Variants in MEGF11 observed in about 807,000 individuals in gnomAD.
MEGF11 encodes multiple EGF like domains 11, also known as multiple epidermal growth factor-like domains protein 11.
In MEGF11, 126 loss-of-function variants were observed where a neutral mutation model predicts 146.6. The observed-to-expected ratio is 0.86, with a 90% CI of 0.74 to 1.00. The LOEUF (loss-of-function observed/expected upper bound fraction) is 1.00, where lower values mean the gene tolerates loss of function less well. MEGF11 is among the 50% of genes least tolerant of loss of function. The probability of loss-of-function intolerance (pLI) is 0.00; values close to 1 mark genes in which losing one functional copy is unlikely to be tolerated. For missense variants in MEGF11, 1,509 were observed against 1,521.2 expected (o/e 0.99, Z 0.13); for synonymous variants, 532 against 583.4 (o/e 0.91, Z 1.27).
chr15:65,983,778 A>T (rs1444206507), intron 5 of MEGF11, among the ~76,000 whole-genome samples: 2 of 151,890 alleles, frequency 1.3e-5, no homozygotes, highest in Non-Finnish European at 2.9e-5. Flanking sequence ...ACACTCAGAG[A>T]GGAAAGGGGG....
intron 5 of MEGF11, among the ~76,000 whole-genome samples, chr15:66,001,892 A>C (rs1305349986): frequency 6.6e-6 from 1 of 152,132 alleles, no homozygotes; most frequent in Admixed American, 6.5e-5. Flanking sequence ...GAATAAACTC[A>C]GGTGCACAAT....
intron 9 of MEGF11, among the ~76,000 whole-genome samples, chr15:65,963,659 TGAATGAATGACC>T (rs1472326906): frequency 6.6e-6 from 1 of 152,180 alleles, no homozygotes; most frequent in Non-Finnish European, 1.5e-5. Context: ...CAGTGTTTGT[TGAATGAATGACC>T]GAGTGAATGA....
In MEGF11 at chr15:66,134,467, C is replaced by T. The variant is rs368513234; in HGVS notation, c.-8-6056G>A. ...ACCCGGACACCTGCCTGGCCCCTCCCCACCCGCAATCTGCCCACTCCTGGC... is the reference window on the plus strand; with the variant it reads ...ACCCGGACACCTGCCTGGCCCCTCCTCACCCGCAATCTGCCCACTCCTGGC... On this transcript the variant is annotated intron_variant, in intron 1 of 25. Coordinates refer to ENST00000395614, the MANE Select transcript of MEGF11 (RefSeq NM_001385028.1). Among the ~76,000 whole-genome samples, 15 of 152,340 alleles carry T rather than the reference C, an allele frequency of 9.8e-5. No homozygotes were observed. The East Asian group carries it at 2.1e-3, about 22-fold the overall frequency.
At chr15:66,155,026 T>C (rs1260043398) in intron 1 of MEGF11, among the ~76,000 whole-genome samples, 1 of 152,248 alleles carries the variant, frequency 6.6e-6, no homozygotes, top group African/African-American at 2.4e-5. Context: ...AGAGTCAGGA[T>C]GTCAGAGTTG....
chr15:66,062,008 C>T (rs901631618), intron 5 of MEGF11, among the ~76,000 whole-genome samples: 4 of 152,240 alleles, frequency 2.6e-5, no homozygotes, highest in Non-Finnish European at 5.9e-5. Flanking sequence ...GATGCTCCTG[C>T]CTTGGCCTCC....
chr15:65,975,088 C>T (rs1184252117), intron 7 of MEGF11, among the ~76,000 whole-genome samples: 2 of 152,174 alleles, frequency 1.3e-5, no homozygotes, highest in African/African-American at 4.8e-5. Context: ...CTCAGGTGGT[C>T]TGCCTGCCTC....
At chr15:65,929,534 G>A (rs1355230134) in intron 12 of MEGF11, among the ~76,000 whole-genome samples, 186 bp downstream of exon 12, 1 of 152,162 alleles carries the variant, frequency 6.6e-6, no homozygotes, top group Non-Finnish European at 1.5e-5. Flanking sequence ...TATAGACGAG[G>A]GGGATGAGGG....
intron 5 of MEGF11, among the ~76,000 whole-genome samples, chr15:66,008,707 C>T (rs2082606276): frequency 6.6e-6 from 1 of 151,970 alleles, no homozygotes; most frequent in Admixed American, 6.6e-5. Flanking sequence ...GCCTGTGGTC[C>T]TGGCTACTCA....
intron 1 of MEGF11, among the ~76,000 whole-genome samples, chr15:66,246,829 T>C (rs570219949): frequency 6.6e-6 from 1 of 151,966 alleles, no homozygotes; most frequent in African/African-American, 2.4e-5. Context: ...ATAATAATAA[T>C]AATATCTAAT....
At chr15:65,961,690 G>A (rs768660482) in intron 9 of MEGF11, among the ~76,000 whole-genome samples, 4 of 152,220 alleles carry the variant, frequency 2.6e-5, no homozygotes, top group Non-Finnish European at 5.9e-5. Context: ...CAGCCTTGCC[G>A]GAAGGGCACA....
At chr15:66,151,361 G>A (rs1026437993) in intron 1 of MEGF11, among the ~76,000 whole-genome samples, 6 of 152,166 alleles carry the variant, frequency 3.9e-5, no homozygotes, top group African/African-American at 1.4e-4. Flanking sequence ...AGCCACCTCG[G>A]GGGGAATTTA....
intron 23 of MEGF11, among the ~76,000 whole-genome samples, chr15:65,907,756 T>C (rs2078672637): frequency 6.6e-6 from 1 of 152,216 alleles, no homozygotes; most frequent in South Asian, 2.1e-4. Context: ...CTTTTCCTTT[T>C]TACAGAACAG....
At chr15:65,984,732 T>A (rs1392771729) in intron 5 of MEGF11, among the ~76,000 whole-genome samples, 1 of 152,114 alleles carries the variant, frequency 6.6e-6, no homozygotes, top group Non-Finnish European at 1.5e-5. Context: ...ATGTTGTGAC[T>A]ATTATGATAA....
In MEGF11 at chr15:66,171,550, C is replaced by T. The variant is rs138038985; in HGVS notation, c.-8-43139G>A. Among the ~76,000 whole-genome samples, 15 of 152,228 alleles carry T rather than the reference C, an allele frequency of 9.9e-5. No homozygotes were observed. In the East Asian group the frequency reaches 2.9e-3, roughly 29 times the overall value. On this transcript the variant is annotated intron_variant, in intron 1 of 25. Coordinates refer to ENST00000395614, the MANE Select transcript of MEGF11 (RefSeq NM_001385028.1). ...AATGGAGAGGTGGGAGGAGGAGGGA[C>T]ACCTGCATTCTGGGTCACCCTGTGC...
At chr15:66,170,045 A>G (rs1415669300) in intron 1 of MEGF11, among the ~76,000 whole-genome samples, 1 of 152,164 alleles carries the variant, frequency 6.6e-6, no homozygotes, top group Non-Finnish European at 1.5e-5. Context: ...ATGAAACCTA[A>G]CTTGTCATTT....
At chr15:65,945,962 G>A (rs552191796) in intron 10 of MEGF11, among the ~76,000 whole-genome samples, 3 of 152,212 alleles carry the variant, frequency 2.0e-5, no homozygotes, top group Admixed American at 1.3e-4. Context: ...TGTGCAAGGT[G>A]TTAACCTCTC....
chr15:65,999,017 C>T (rs1157720664), intron 5 of MEGF11, among the ~76,000 whole-genome samples: 1 of 151,636 alleles, frequency 6.6e-6, no homozygotes, highest in African/African-American at 2.4e-5. Context: ...TTCCAAAGGA[C>T]AACGCTTGTC....
At chr15:65,978,305 G>A (rs2081518160) in intron 7 of MEGF11, among the ~76,000 whole-genome samples, 1 of 152,216 alleles carries the variant, frequency 6.6e-6, no homozygotes, top group Admixed American at 6.5e-5. Context: ...CCTCAGGCAT[G>A]AATGCAACTT....
At chr15:66,192,470 AAAAAT>A (rs56910946) in intron 1 of MEGF11, among the ~76,000 whole-genome samples, 10,751 of 130,276 alleles carry the variant, frequency 0.083, 607 homozygotes, top group East Asian at 0.18. Flanking sequence ...ACTCCATCTC[AAAAAT>A]AAAATAAAAT....
Sources: gnomAD v4.1 joint callset for allele counts (sites outside exome capture counted in the v4.1 genomes callset) on GRCh38, gnomAD v4.1.1 for gene constraint, MANE v1.5 for transcripts, NCBI Gene and HGNC (gene_info 2026-07-23, HGNC 2026-07-21) for gene names.